Variants in WWOX observed in about 807,000 individuals in gnomAD.
The protein encoded by WWOX is WW domain containing oxidoreductase.
WWOX carries 69 observed loss-of-function variants against 46.2 expected under a neutral mutation model. That is an observed-to-expected ratio of 1.49 (90% CI 1.23 to 1.82). The LOEUF is 1.82. WWOX is among the 40% of genes most tolerant of loss of function. WWOX has a pLI of 0.00. For missense variants in WWOX, 919 were observed against 542.6 expected (o/e 1.69, Z -6.89); for synonymous variants, 359 against 202.6 (o/e 1.77, Z -6.56).
At chr16:78,756,354 G>C (rs1475070583) in intron 8 of WWOX, among the ~76,000 whole-genome samples, 2 of 152,078 alleles carry the variant, frequency 1.3e-5, no homozygotes, top group Non-Finnish European at 2.9e-5. Context: ...GAGCAGCTTT[G>C]GGAGCCAGGG....
chr16:79,060,555 G>T (rs1445592994), intron 8 of WWOX, among the ~76,000 whole-genome samples: 6 of 152,198 alleles, frequency 3.9e-5, no homozygotes, highest in South Asian at 4.1e-4. Context: ...TAGCAAGATT[G>T]CTCCCTTCTA....
intron 8 of WWOX, among the ~76,000 whole-genome samples, chr16:78,990,976 C>T (rs1384172200): frequency 1.3e-5 from 2 of 152,198 alleles, no homozygotes; most frequent in East Asian, 1.9e-4. Context: ...CAGACCAAAA[C>T]CCTGGCAAGG....
chr16:78,920,767 T>C (rs1597152416), intron 8 of WWOX, among the ~76,000 whole-genome samples: 1 of 152,284 alleles, frequency 6.6e-6, no homozygotes, highest in South Asian at 2.1e-4. Context: ...AAACACGACT[T>C]TTCTCTTCTT....
At chr16:78,435,253 C>G (rs1039398713) in intron 8 of WWOX, among the ~76,000 whole-genome samples, 1 of 152,058 alleles carries the variant, frequency 6.6e-6, no homozygotes, top group African/African-American at 2.4e-5. Flanking sequence ...AGCACCGTAC[C>G]TGTAGTGTGT....
At chr16:78,916,353 G>A (rs766352556) in intron 8 of WWOX, among the ~76,000 whole-genome samples, 5 of 152,138 alleles carry the variant, frequency 3.3e-5, no homozygotes, top group Non-Finnish European at 5.9e-5. Context: ...CAAGAAGCTC[G>A]TTCGACAGCT....
At chr16:78,893,454 A>G (rs2044634883) in intron 8 of WWOX, among the ~76,000 whole-genome samples, 1 of 152,102 alleles carries the variant, frequency 6.6e-6, no homozygotes, top group Non-Finnish European at 1.5e-5. Flanking sequence ...TTCTGTTGCT[A>G]CTTAGGAAAC....
chr16:78,745,294 T>A (rs1182400326), intron 8 of WWOX, among the ~76,000 whole-genome samples: 1 of 152,222 alleles, frequency 6.6e-6, no homozygotes, highest in Admixed American at 6.5e-5. Flanking sequence ...GCTGGGCATC[T>A]TCCCCGCCTT....
chr16:78,506,197 A>G (rs2085199690), intron 8 of WWOX, among the ~76,000 whole-genome samples: 1 of 152,130 alleles, frequency 6.6e-6, no homozygotes, highest in Admixed American at 6.6e-5. Context: ...AGCCCTCCAA[A>G]CATAACTTGG....
intron 8 of WWOX, among the ~76,000 whole-genome samples, chr16:78,446,258 A>G (rs1176826720): frequency 6.6e-6 from 1 of 152,192 alleles, no homozygotes; most frequent in African/African-American, 2.4e-5. Flanking sequence ...CGCTCTTTTC[A>G]AGTCTTAGAG....
At chr16:79,033,156 T>A (rs1175398102) in intron 8 of WWOX, among the ~76,000 whole-genome samples, 1 of 146,764 alleles carries the variant, frequency 6.8e-6, no homozygotes, top group Non-Finnish European at 1.5e-5. Context: ...ATATATATAA[T>A]ATATATATAA....
In WWOX at chr16:78,136,757, A is replaced by G. The variant is rs186342132; in HGVS notation, c.409+21603A>G. On this transcript the variant is annotated intron_variant, in intron 4 of 8. Coordinates refer to ENST00000566780, the MANE Select transcript of WWOX (RefSeq NM_016373.4). ...ACCTAACTGAGCAGTAAGACCACCC[A>G]TTAGGCAAATGGAAGACCAAAACAT... Among the ~76,000 whole-genome samples, 36 of 152,314 alleles carry G rather than the reference A, an allele frequency of 2.4e-4. No individual in the cohort carries two copies. The East Asian group carries it at 6.6e-3, about 28-fold the overall frequency.
intron 5 of WWOX, among the ~76,000 whole-genome samples, chr16:78,217,815 C>T (rs569805862): frequency 6.6e-6 from 1 of 152,118 alleles, no homozygotes; most frequent in Admixed American, 6.5e-5. Flanking sequence ...GGAGACTCAT[C>T]TTCTGCACAG....
At chr16:78,879,311 T>A (rs950620394) in intron 8 of WWOX, among the ~76,000 whole-genome samples, 1 of 152,150 alleles carries the variant, frequency 6.6e-6, no homozygotes, top group Admixed American at 6.5e-5. Context: ...AAGAGCTTGA[T>A]AAATGGTGGA....
intron 8 of WWOX, among the ~76,000 whole-genome samples, chr16:78,480,972 G>A (rs1349134537): frequency 6.6e-6 from 1 of 152,206 alleles, no homozygotes; most frequent in Non-Finnish European, 1.5e-5. Context: ...AAAAGAGCAG[G>A]ATTGGTACTT....
At chr16:78,342,805 C>G (rs2081039088) in intron 5 of WWOX, among the ~76,000 whole-genome samples, 1 of 120,602 alleles carries the variant, frequency 8.3e-6, no homozygotes, top group South Asian at 2.5e-4. Flanking sequence ...CACTATCATT[C>G]TGCCATCAAC....
At chr16:79,131,888 G>A (rs1054637546) in intron 8 of WWOX, among the ~76,000 whole-genome samples, 11 of 152,220 alleles carry the variant, frequency 7.2e-5, no homozygotes, top group Non-Finnish European at 1.2e-4. Flanking sequence ...CGTCTTACAC[G>A]GATGGCAGCA....
chr16:78,567,774 G>C (rs570515732), intron 8 of WWOX, among the ~76,000 whole-genome samples: 1 of 151,968 alleles, frequency 6.6e-6, no homozygotes, highest in South Asian at 2.1e-4. Flanking sequence ...TTTTTCTCCC[G>C]CAACTGGGCC....
intron 5 of WWOX, among the ~76,000 whole-genome samples, chr16:78,360,061 C>G (rs8061955): frequency 0.22 from 33,277 of 152,028 alleles, 5,223 homozygotes; most frequent in African/African-American, 0.45. Context: ...AGGAGGATAC[C>G]AATTTAAGCT....
intron 8 of WWOX, among the ~76,000 whole-genome samples, chr16:79,147,529 T>A (rs1456193376): frequency 6.6e-6 from 1 of 152,242 alleles, no homozygotes; most frequent in African/African-American, 2.4e-5. Context: ...TAGTCTTGGC[T>A]ATTGAAAGTA....
Sources: allele counts gnomAD v4.1 joint callset (sites outside exome capture counted in the v4.1 genomes callset), GRCh38; gene constraint gnomAD v4.1.1; transcripts MANE v1.5; gene names NCBI Gene and HGNC (gene_info 2026-07-23, HGNC 2026-07-21).